Variants in CEP250 observed in about 807,000 individuals in gnomAD.
CEP250 encodes centrosome-associated protein CEP250.
Under a neutral mutation model 315.7 loss-of-function variants are expected in CEP250, and 242 were observed. The ratio of observed to expected loss-of-function variants is 0.77; its 90% CI spans 0.69 to 0.85. The LOEUF (loss-of-function observed/expected upper bound fraction) is 0.85. Ranked by LOEUF, CEP250 falls within the 40% of genes least tolerant of loss-of-function variation. The pLI, the probability that CEP250 is intolerant of heterozygous loss-of-function variation, is 0.00. For missense variants in CEP250, 2,515 were observed against 2,886.4 expected (o/e 0.87, Z 2.95); for synonymous variants, 1,088 against 1,175.0 (o/e 0.93, Z 1.51).
In CEP250 at chr20:35,462,569, T is replaced by G. The variant is rs752611723; in HGVS notation, c.186+16T>G. Reference sequence around the variant, plus strand: ...GCAGGCCAAGGTGAGGCAGCTGCCCTTTTGGGGAGGGGAAAGAGAACAACC... The same window carrying G: ...GCAGGCCAAGGTGAGGCAGCTGCCCGTTTGGGGAGGGGAAAGAGAACAACC... On this transcript the variant is annotated intron_variant, in intron 4 of 34. Coordinates refer to ENST00000397527, the MANE Select transcript of CEP250 (RefSeq NM_007186.6). The G allele has an allele frequency of 1.3e-6, 2 of 1,576,656 alleles. No individual in the cohort carries two copies. The highest frequency in any genetic ancestry group is 2.3e-5 in the East Asian group (1 of 43,152).
At chr20:35,467,178 G>GGGGGGGGGT in intron 8 of CEP250, 106 bp downstream of exon 8, 1 of 507,406 alleles carries the variant, frequency 2.0e-6, no homozygotes. Flanking sequence ...GGGTGGGTGG[G>GGGGGGGGGT]GGAGTTGGTA....
rs1229168697 is a variant in CEP250, at chr20:35,497,894, G to A, written c.3482G>A (p.Ser1161Asn). The change falls in exon 26 of 35, where the codon AGC (serine) becomes AAC (asparagine). Residue 1161 changes from serine (S) to asparagine (N), a missense_variant. Transcript: ENST00000397527. ...QLQLRLRSTE[S>N]QLEALAAEQQ... ...CAGCTGCGACTGCGCAGCACAGAGA[G>A]CCAGCTAGAAGCGCTGGCCGCAGAG... is the stretch of plus-strand genomic sequence containing the variant. 1 of 1,606,846 alleles carries A rather than the reference G, an allele frequency of 6.2e-7. No homozygotes were observed. Among genetic ancestry groups the A allele is most frequent in the East Asian group, 2.2e-5 (1 of 44,616 alleles).
intron 25 of CEP250, among the ~76,000 whole-genome samples, chr20:35,497,372 A>G (rs1192935502): frequency 1.3e-5 from 2 of 152,224 alleles, no homozygotes; most frequent in African/African-American, 2.4e-5. Flanking sequence ...TAAGCATTCA[A>G]TACATGGTAG....
intron 11 of CEP250, among the ~76,000 whole-genome samples, chr20:35,472,354 C>G (rs2063045173): frequency 6.6e-6 from 1 of 152,204 alleles, no homozygotes; most frequent in Non-Finnish European, 1.5e-5. Flanking sequence ...GGGACAGGCC[C>G]TCTTTCCTGT....
At position 35,479,663 on chromosome 20, in the gene CEP250, T is replaced by C; in HGVS notation, c.2306T>C (p.Leu769Pro). The C allele has an allele frequency of 6.2e-7, 1 of 1,614,214 alleles. No homozygotes were observed. The highest frequency in any genetic ancestry group is 8.5e-7 in the Non-Finnish European group (1 of 1,180,032). ...LQGLSSAKEL[L>P]ESSLFEAQQQ... is the part of the protein sequence containing the mutation. ...CCTCACAGCTCAGCCAAGGAGCTAC[T>C]GGAGAGCAGTCTGTTTGAAGCCCAA... is the stretch of plus-strand genomic sequence containing the variant. Residue 769 changes from leucine (L) to proline (P), a missense_variant, in exon 19 of 35, where the codon CTG becomes CCG. Transcript: ENST00000397527.
rs1056507595 is a variant in CEP250 at position 35,514,471 on chromosome 20, T to C, written c.*2845T>C. ...ACAAGAGTCGTCAGAGGCTGGGCAA[T>C]GTTCTTGTTTCCGGGGAGTGCTGAG... On this transcript the variant is annotated 3_prime_UTR_variant, in exon 35 of 35. Transcript: ENST00000397527. 2.0e-5 allele frequency: 3 copies of C among 152,402 alleles called. No homozygotes were observed. Among genetic ancestry groups the C allele is most frequent in the Admixed American group, 6.5e-5 (1 of 15,290 alleles). The allele number at this position is 152,402 out of a possible 1,614,324, so 9.4% of individuals were successfully genotyped here.
In CEP250 at chr20:35,472,054, C is replaced by G. The variant is rs1405148417; in HGVS notation, c.953C>G (p.Thr318Arg). The G allele has an allele frequency of 6.3e-7, 1 of 1,599,314 alleles. No individual in the cohort carries two copies. Among genetic ancestry groups the G allele is most frequent in the South Asian group, 1.1e-5 (1 of 90,770 alleles). Residue 318 changes from threonine (T) to arginine (R), a missense_variant, in exon 11 of 35, where the codon ACA (threonine) becomes AGA (arginine). Transcript: ENST00000397527. ...ALRETVEILE[T>R]NHTELMEHEA... ...TCTGTTCTATTCCCTGTTCAGGAGACAAATCACACAGAATTAATGGAACAT... is the reference window on the plus strand; with the variant it reads ...TCTGTTCTATTCCCTGTTCAGGAGAGAAATCACACAGAATTAATGGAACAT...
rs1483946734 is a variant in CEP250, at chr20:35,517,089, C to G, written c.*5463C>G. 3.3e-6 allele frequency: 3 copies of G among 912,922 alleles called. No homozygotes were observed. Among genetic ancestry groups the G allele is most frequent in the Non-Finnish European group, 3.9e-6 (3 of 763,812 alleles). The allele number at this position is 912,922 out of a possible 1,614,324, so 56.6% of individuals were successfully genotyped here. A position where few individuals can be genotyped will look rare whatever the true frequency, so the allele number is the denominator to read the frequency against. ...TCCCCTCTCCTGTTGGCCTCCATCC[C>G]TTCCTCAACCGTCCGCAGAACACCT... On this transcript the variant is annotated 3_prime_UTR_variant, in exon 35 of 35. Coordinates refer to ENST00000397527, the MANE Select transcript of CEP250 (RefSeq NM_007186.6).
In CEP250 at chr20:35,478,113, A is replaced by G; in HGVS notation, c.2094+12A>G. On this transcript the variant is annotated intron_variant, in intron 17 of 34. Coordinates refer to ENST00000397527, the MANE Select transcript of CEP250 (RefSeq NM_007186.6). ...AGAAACTAAGTGAGGTGAGAAGCCA[A>G]AATGGACACCATCATGTCTAGGTGT... The G allele has an allele frequency of 6.5e-7, 1 of 1,543,740 alleles. No individual in the cohort carries two copies. Among genetic ancestry groups the G allele is most frequent in the African/African-American group, 1.4e-5 (1 of 73,594 alleles).
rs1020843458 is a variant in CEP250, at chr20:35,502,425, C to A, written c.4056C>A (p.Asn1352Lys). The change falls in exon 30 of 35, where the codon AAC becomes AAA. Residue 1352 changes from asparagine (N) to lysine (K), a missense_variant. Coordinates refer to ENST00000397527, the MANE Select transcript of CEP250 (RefSeq NM_007186.6). ...AGTTACTTCAGGCAGCCAAGGAGAA[C>A]CTGACAGCCCAGGTGGAACACCTGC... ...ERELLQAAKE[N>K]LTAQVEHLQA... is the part of the protein sequence containing the mutation. 5 of 1,613,784 alleles carry A rather than the reference C, an allele frequency of 3.1e-6. No homozygotes were observed. Among genetic ancestry groups the A allele is most frequent in the East Asian group, 2.2e-5 (1 of 44,864 alleles).
Position 35,516,984 on chromosome 20 carries a change from C to A in CEP250, c.*5358C>A. 1.7e-5 allele frequency: 17 copies of A among 985,612 alleles called. No homozygotes were observed. Among genetic ancestry groups the A allele is most frequent in the South Asian group, 4.7e-5 (1 of 21,292 alleles). 61.1% of individuals were successfully genotyped at this position (985,612 alleles called of 1,614,324 possible). A position where few individuals can be genotyped will look rare whatever the true frequency, so the allele number is the denominator to read the frequency against. ...AAGGCTACATTCTTGTCCCACAGGG[C>A]AGAGCACATGGCAAGTGGCATGCTG... On this transcript the variant is annotated 3_prime_UTR_variant, in exon 35 of 35. Coordinates refer to ENST00000397527, the MANE Select transcript of CEP250 (RefSeq NM_007186.6).
Position 35,501,855 on chromosome 20 carries a change from G to A in CEP250, c.3909G>A (p.Lys1303=). 3 of 1,609,498 alleles carry A rather than the reference G, an allele frequency of 1.9e-6. No homozygotes were observed. ...QLSQNQEEKS[K]WEGKQNSLES... ...CCTCTCTTCTCAAAGAGAAATCTAA[G>A]TGGGAAGGAAAGCAGAACTCCCTAG... Residue 1303 remains lysine, a synonymous_variant, in exon 29 of 35, where the codon AAG becomes AAA. Transcript: ENST00000397527.
chr20:35,474,067 T>C lies in CEP250; in HGVS notation c.1571+15T>C. 6.6e-7 allele frequency: 1 copy of C among 1,510,422 alleles called. No individual in the cohort carries two copies. The highest frequency in any genetic ancestry group is 2.5e-5 in the East Asian group (1 of 39,950). The allele number at this position is 1,510,422 out of a possible 1,614,324, so 93.6% of individuals were successfully genotyped here. On this transcript the variant is annotated intron_variant, in intron 14 of 34. Coordinates refer to ENST00000397527, the MANE Select transcript of CEP250 (RefSeq NM_007186.6). ...AGGGAGCGTCTGTAAGTGAGACTAGTCTCCTCCTCGCTGGGCCCTGGTCTT... is the reference window on the plus strand; with the variant it reads ...AGGGAGCGTCTGTAAGTGAGACTAGCCTCCTCCTCGCTGGGCCCTGGTCTT...
intron 17 of CEP250, among the ~76,000 whole-genome samples, chr20:35,478,748 A>G (rs78357202): frequency 0.02 from 3,060 of 152,272 alleles, 54 homozygotes; most frequent in South Asian, 0.058. Context: ...AGGCAAAGCT[A>G]TATCTTATTT....
intron 27 of CEP250, among the ~76,000 whole-genome samples, 160 bp from the exon 28 acceptor site, chr20:35,499,889 G>A (rs2063953227): frequency 6.6e-6 from 1 of 152,166 alleles, no homozygotes; most frequent in Non-Finnish European, 1.5e-5. Flanking sequence ...ACTTCAGGAA[G>A]CTAAATACAC....
chr20:35,496,921 ATGGCTCC>A (rs1256949122), intron 25 of CEP250, among the ~76,000 whole-genome samples: 4 of 152,174 alleles, frequency 2.6e-5, no homozygotes, highest in Admixed American at 1.3e-4. Flanking sequence ...AGAGATGGAC[ATGGCTCC>A]TGTGGGAAAC....
intron 24 of CEP250, 98 bp downstream of exon 24, chr20:35,494,755 G>A: frequency 7.2e-7 from 1 of 1,382,454 alleles, no homozygotes; most frequent in South Asian, 1.3e-5. Context: ...TGCCTTTCAT[G>A]TCTGCAACTC....
chr20:35,517,985 A>C lies in CEP250; in HGVS notation c.*6359A>C, dbSNP rs2147271556. The C allele has an allele frequency of 6.6e-6, 1 of 151,330 alleles. No individual in the cohort carries two copies. The highest frequency in any genetic ancestry group is 2.4e-5 in the African/African-American group (1 of 41,228). 9.4% of individuals were successfully genotyped at this position (151,330 alleles called of 1,614,324 possible). A position where few individuals can be genotyped will look rare whatever the true frequency, so the allele number is the denominator to read the frequency against. ...CTGAGCCCAGGGAGGTCAAGGTTGC[A>C]GTGAACCATGATCATGTCACTGCAC... On this transcript the variant is annotated 3_prime_UTR_variant, in exon 35 of 35. Coordinates refer to ENST00000397527, the MANE Select transcript of CEP250 (RefSeq NM_007186.6).
intron 20 of CEP250, among the ~76,000 whole-genome samples, chr20:35,487,007 C>A (rs1050977957): frequency 2.0e-5 from 3 of 152,110 alleles, no homozygotes; most frequent in Non-Finnish European, 4.4e-5. Flanking sequence ...CATGAAAGGG[C>A]CTTTTCTCTC....
Sources: gnomAD v4.1 joint callset for allele counts (sites outside exome capture counted in the v4.1 genomes callset) on GRCh38, gnomAD v4.1.1 for gene constraint, MANE v1.5 for transcripts, NCBI Gene and HGNC (gene_info 2026-07-23, HGNC 2026-07-21) for gene names.